EXOC4: variants seen among roughly 807,000 people sequenced by gnomAD.
The protein encoded by EXOC4 is exocyst complex component 4, also known as SEC8-like 1.
Under a neutral mutation model 107.2 loss-of-function variants are expected in EXOC4, and 71 were observed. The ratio of observed to expected loss-of-function variants is 0.66; its 90% confidence interval spans 0.55 to 0.81. EXOC4 has a LOEUF of 0.81. EXOC4 is among the 30% of genes least tolerant of loss of function. EXOC4 has a pLI of 0.00. For missense variants in EXOC4, 1,108 were observed against 1,189.6 expected (o/e 0.93, Z 1.01); for synonymous variants, 456 against 441.2 (o/e 1.03, Z -0.42).
At chr7:133,910,070 T>C (rs1036214191) in intron 12 of EXOC4, among the ~76,000 whole-genome samples, 1 of 137,976 alleles carries the variant, frequency 7.2e-6, no homozygotes, top group African/African-American at 2.8e-5. Flanking sequence ...ATCACAGGCA[T>C]GTGCCACCAC....
chr7:133,584,456 G>A (rs1198252274), intron 9 of EXOC4, among the ~76,000 whole-genome samples: 2 of 151,570 alleles, frequency 1.3e-5, no homozygotes, highest in Non-Finnish European at 2.9e-5. Flanking sequence ...TTAACTTTGC[G>A]TCATCTCTCA....
chr7:133,877,019 C>A (rs1321741771), intron 11 of EXOC4, among the ~76,000 whole-genome samples: 1 of 151,798 alleles, frequency 6.6e-6, no homozygotes, highest in Non-Finnish European at 1.5e-5. Flanking sequence ...TTTCTCTGCA[C>A]CCCCCACCCC....
chr7:133,655,192 AC>A (rs1803260485), intron 10 of EXOC4, among the ~76,000 whole-genome samples: 1 of 151,558 alleles, frequency 6.6e-6, no homozygotes, highest in Non-Finnish European at 1.5e-5. Flanking sequence ...TTTAAAATAA[AC>A]TTTATTTTAA....
At chr7:133,820,329 A>G (rs1476842010) in intron 11 of EXOC4, among the ~76,000 whole-genome samples, 1 of 151,422 alleles carries the variant, frequency 6.6e-6, no homozygotes, top group Non-Finnish European at 1.5e-5. Context: ...TTTTTTTCCT[A>G]TCTTTGGTAT....
chr7:133,520,169 T>C (rs1211140785), intron 9 of EXOC4, among the ~76,000 whole-genome samples: 1 of 152,214 alleles, frequency 6.6e-6, no homozygotes, highest in Non-Finnish European at 1.5e-5. Flanking sequence ...TTTAATTGAA[T>C]AATGTTGCCA....
Position 133,289,011 on chromosome 7 carries a change from G to C in EXOC4, c.366G>C (p.Lys122Asn). ...TGTGGATTGAAGGAATTGAGCATAA[G>C]CATGTCCTGAACTTGTTGGATGAAA... The part of the protein sequence containing the change: ...RKLWIEGIEH[K>N]HVLNLLDEIE... The change falls in exon 3 of 18, where the codon AAG becomes AAC. Residue 122 changes from lysine (K) to asparagine (N), a missense_variant. Physicochemically the swap from Lys to Asn is moderately conservative, Grantham distance 94 (BLOSUM62 0). Transcript: ENST00000253861. The C allele has an allele frequency of 6.2e-7, 1 of 1,614,192 alleles. No homozygotes were observed.
chr7:133,520,133 A>G (rs1018986172), intron 9 of EXOC4, among the ~76,000 whole-genome samples: 1 of 152,210 alleles, frequency 6.6e-6, no homozygotes, highest in Admixed American at 6.5e-5. Context: ...TAATAATCCA[A>G]ACATATAAAA....
intron 17 of EXOC4, among the ~76,000 whole-genome samples, chr7:134,060,411 A>G (rs1264868973): frequency 2.6e-5 from 4 of 152,312 alleles, no homozygotes; most frequent in African/African-American, 9.6e-5. Flanking sequence ...GCTACAAACC[A>G]TGAGCCAGAA....
chr7:133,945,920 A>G (rs1800538766), intron 14 of EXOC4, among the ~76,000 whole-genome samples: 1 of 152,170 alleles, frequency 6.6e-6, no homozygotes, highest in African/African-American at 2.4e-5. Flanking sequence ...TCCCTACCCA[A>G]GATCTCTTGG....
At chr7:133,402,161 C>A (rs1478131889) in intron 7 of EXOC4, among the ~76,000 whole-genome samples, 2 of 152,134 alleles carry the variant, frequency 1.3e-5, no homozygotes, top group African/African-American at 4.8e-5. Flanking sequence ...AAAACAAGGA[C>A]AAACTGTAGT....
chr7:133,807,156 G>A (rs1304246852), intron 10 of EXOC4, among the ~76,000 whole-genome samples: 3 of 152,144 alleles, frequency 2.0e-5, no homozygotes, highest in Admixed American at 2.0e-4. Context: ...AGATGGTCTT[G>A]GAACCAGTCC....
the EXOC4 span, among the ~76,000 whole-genome samples, chr7:134,084,009 T>A: frequency 6.6e-6 from 1 of 152,220 alleles, no homozygotes; most frequent in Non-Finnish European, 1.5e-5. Flanking sequence ...GAAGTGAGGC[T>A]TATTATAGCA....
intron 9 of EXOC4, among the ~76,000 whole-genome samples, chr7:133,544,994 A>G (rs1800453113): frequency 6.6e-6 from 1 of 151,820 alleles, no homozygotes; most frequent in African/African-American, 2.4e-5. Flanking sequence ...CTTTAAAAGC[A>G]TATGTGTGTG....
intron 10 of EXOC4, among the ~76,000 whole-genome samples, chr7:133,653,207 T>G (rs1461429035): frequency 6.6e-6 from 1 of 152,182 alleles, no homozygotes; most frequent in Non-Finnish European, 1.5e-5. Flanking sequence ...TTATTAATAT[T>G]AATATGTTAT....
the EXOC4 span, among the ~76,000 whole-genome samples, chr7:134,090,013 T>C: frequency 6.6e-6 from 1 of 152,238 alleles, no homozygotes; most frequent in Admixed American, 6.5e-5. Flanking sequence ...ATTTTGATTT[T>C]ACCGATAATT....
intron 9 of EXOC4, among the ~76,000 whole-genome samples, chr7:133,523,453 TAATTA>T (rs1204557838): frequency 6.6e-6 from 1 of 151,034 alleles, no homozygotes; most frequent in Admixed American, 6.6e-5. Context: ...TTTTTTTTTT[TAATTA>T]TACTTTAAGT....
chr7:133,389,377 C>T (rs1262200340), intron 7 of EXOC4, among the ~76,000 whole-genome samples: 1 of 151,898 alleles, frequency 6.6e-6, no homozygotes, highest in Non-Finnish European at 1.5e-5. Context: ...TCAAGACCAA[C>T]CTGGCCAACA....
At chr7:133,788,934 T>C (rs957226339) in intron 10 of EXOC4, among the ~76,000 whole-genome samples, 3 of 152,200 alleles carry the variant, frequency 2.0e-5, no homozygotes, top group African/African-American at 7.2e-5. Context: ...ATGAAATACA[T>C]GTATTCTCAT....
At chr7:133,570,210 A>C (rs1035019371) in intron 9 of EXOC4, among the ~76,000 whole-genome samples, 2 of 152,220 alleles carry the variant, frequency 1.3e-5, no homozygotes, top group Non-Finnish European at 2.9e-5. Context: ...GAGCCTCTGT[A>C]CACTTTTAAT....
Sources: gnomAD v4.1 joint callset for allele counts (sites outside exome capture counted in the v4.1 genomes callset) on GRCh38, gnomAD v4.1.1 for gene constraint, MANE v1.5 for transcripts, NCBI Gene and HGNC (gene_info 2026-07-23, HGNC 2026-07-21) for gene names.